The following ADAM9 variants were observed in gnomAD, a reference collection of about 807,000 sequenced individuals.
ADAM9 encodes disintegrin and metalloproteinase domain-containing protein 9.
A neutral mutation model predicts 108.1 loss-of-function variants in ADAM9; 54 were observed. The observed-to-expected ratio is 0.50, with a 90% confidence interval of 0.40 to 0.63. ADAM9 has a LOEUF of 0.63. Ranked by LOEUF, ADAM9 falls within the 20% of genes least tolerant of loss-of-function variation. The pLI is 0.00. For synonymous variants in ADAM9, 316 were observed against 336.0 expected (o/e 0.94, Z 0.65); for missense variants, 830 against 997.7 (o/e 0.83, Z 2.26).
Position 39,091,332 on chromosome 8 carries a change from C to G in ADAM9, c.2284C>G (p.Pro762Ala). ...SVPRHVSPVT[P>A]PREVPIYANR... ...TCCTCGACATGTTTCTCCAGTGACACCTCCCAGAGAAGTTGTAAGTATAAA... is the reference window on the plus strand; with the variant it reads ...TCCTCGACATGTTTCTCCAGTGACAGCTCCCAGAGAAGTTGTAAGTATAAA... Residue 762 changes from proline to alanine, a missense_variant, in exon 20 of 22, where the codon CCT becomes GCT. Pro to Ala is a conservative substitution (Grantham distance 27, BLOSUM62 -1). This residue lies in a region of ADAM9 where 238 missense variants were observed against 235.7 expected (regional missense o/e 1.01). Transcript: ENST00000487273. 1.2e-6 allele frequency: 2 copies of G among 1,613,806 alleles called. No homozygotes were observed. The highest frequency in any genetic ancestry group is 3.3e-5 in the Admixed American group (2 of 60,014).
chr8:39,017,104 T>C lies in ADAM9; in HGVS notation c.411-115T>C, dbSNP rs1836558065. 3 of 1,095,172 alleles carry C rather than the reference T, an allele frequency of 2.7e-6. No individual in the cohort carries two copies. The South Asian group carries it at 4.1e-5, about 15-fold the overall frequency. The allele number at this position is 1,095,172 out of a possible 1,614,324, so 67.8% of individuals were successfully genotyped here. A position where few individuals can be genotyped will look rare whatever the true frequency, so the allele number is the denominator to read the frequency against. The stretch of plus-strand genomic sequence containing the variant: ...ATTCTAAAGCCTCTATTTTCTTCTC[T>C]ATGTAATGCTATGCCTACTTACACA... On this transcript the variant is annotated intron_variant, in intron 5 of 21. Transcript: ENST00000487273.
At position 39,105,052 on chromosome 8, in the gene ADAM9, TAA is replaced by T. The variant is rs1265131386; in HGVS notation, c.*1356_*1357del. Reference sequence around the variant, plus strand: ...CTCAACTATTTATAATCTCATTAATTAAAAAGTTATAATTTTAGATAAAAATT... The same window carrying T: ...CTCAACTATTTATAATCTCATTAATTAAAGTTATAATTTTAGATAAAAATT... On this transcript the variant is annotated 3_prime_UTR_variant, in exon 22 of 22. Transcript: ENST00000487273. The T allele has an allele frequency of 4.9e-6, 2 of 406,236 alleles. No individual in the cohort carries two copies. The highest frequency in any genetic ancestry group is 2.1e-5 in the African/African-American group (1 of 47,326). The allele number at this position is 406,236 out of a possible 1,614,324, so 25.2% of individuals were successfully genotyped here.
intron 15 of ADAM9, among the ~76,000 whole-genome samples, chr8:39,073,586 TTGAA>T (rs752895381): frequency 2.0e-5 from 3 of 152,132 alleles, no homozygotes; most frequent in Non-Finnish European, 4.4e-5. Context: ...CTATTAAACA[TTGAA>T]TGAATGAAGG....
intron 11 of ADAM9, among the ~76,000 whole-genome samples, chr8:39,035,621 A>G (rs1172916984): frequency 6.6e-6 from 1 of 152,094 alleles, no homozygotes; most frequent in Non-Finnish European, 1.5e-5. Flanking sequence ...GATCGAGACC[A>G]TCCTGGCTAA....
chr8:39,007,453 A>G (rs1468351763), intron 1 of ADAM9, among the ~76,000 whole-genome samples: 1 of 152,220 alleles, frequency 6.6e-6, no homozygotes, highest in Admixed American at 6.5e-5. Context: ...GATGTTATTC[A>G]TGCTGGGTGA....
intron 8 of ADAM9, among the ~76,000 whole-genome samples, chr8:39,022,316 A>G (rs887721948): frequency 5.9e-5 from 9 of 152,074 alleles, no homozygotes; most frequent in African/African-American, 1.9e-4. Context: ...TTATTAACCC[A>G]TTTACTCCTT....
chr8:39,005,394 A>G lies in ADAM9; in HGVS notation c.98-2492A>G, dbSNP rs201542623. Among the ~76,000 whole-genome samples the G allele has an allele frequency of 3.3e-5, 5 of 152,238 alleles. No homozygotes were observed. In the East Asian group the frequency reaches 9.6e-4, roughly 29 times the overall value. On this transcript the variant is annotated intron_variant, in intron 1 of 21. Coordinates refer to ENST00000487273, the MANE Select transcript of ADAM9 (RefSeq NM_003816.3). The stretch of plus-strand genomic sequence containing the variant: ...CAGTAAGCTTATCCTGCATTCCTAC[A>G]CAAAGATTACAATAGCAATATATTT...
intron 1 of ADAM9, among the ~76,000 whole-genome samples, chr8:38,998,398 T>C (rs1835891715): frequency 1.3e-5 from 1 of 74,944 alleles, no homozygotes; most frequent in Admixed American, 1.4e-4. Flanking sequence ...AATCTGTGAT[T>C]TTTTTTTGTG....
chr8:39,006,268 T>A (rs1430523282), intron 1 of ADAM9, among the ~76,000 whole-genome samples: 1 of 152,180 alleles, frequency 6.6e-6, no homozygotes, highest in Non-Finnish European at 1.5e-5. Context: ...TATAAGGGAT[T>A]GATGGGTAAA....
intron 1 of ADAM9, among the ~76,000 whole-genome samples, chr8:39,004,091 A>AT (rs1361072588): frequency 9.2e-5 from 14 of 152,084 alleles, no homozygotes; most frequent in Admixed American, 2.0e-4. Context: ...CAGATGCTTT[A>AT]TTTTTGGAGG....
intron 5 of ADAM9, among the ~76,000 whole-genome samples, chr8:39,016,595 T>G (rs1836536472): frequency 6.6e-6 from 1 of 152,216 alleles, no homozygotes; most frequent in Non-Finnish European, 1.5e-5. Flanking sequence ...TCAGATAAAT[T>G]ATATTACAAT....
chr8:39,088,332 C>T (rs1275247257), intron 18 of ADAM9, among the ~76,000 whole-genome samples: 1 of 151,346 alleles, frequency 6.6e-6, no homozygotes, highest in East Asian at 1.9e-4. Flanking sequence ...GTGGTGCAAT[C>T]TCGGCTCCGC....
intron 20 of ADAM9, 45 bp downstream of exon 20, chr8:39,091,391 A>T: frequency 6.6e-7 from 1 of 1,515,264 alleles, no homozygotes. Context: ...GTATTAAAGG[A>T]TCAAATGCTT....
chr8:39,085,314 G>A (rs1341759122), intron 18 of ADAM9, among the ~76,000 whole-genome samples: 1 of 152,036 alleles, frequency 6.6e-6, no homozygotes, highest in African/African-American at 2.4e-5. Flanking sequence ...TTCTACTAAT[G>A]TTATAAATCC....
intron 4 of ADAM9, chr8:39,014,654 T>G (rs1299683902): frequency 1.4e-6 from 1 of 693,122 alleles, no homozygotes; most frequent in Non-Finnish European, 2.6e-6. Flanking sequence ...TTTTTGGCAG[T>G]TAGGTATTAT....
intron 18 of ADAM9, among the ~76,000 whole-genome samples, chr8:39,085,880 A>C (rs1839166363): frequency 1.3e-5 from 2 of 151,740 alleles, no homozygotes; most frequent in Non-Finnish European, 2.9e-5. Context: ...GTTTCTTCGA[A>C]TATTTTTTTC....
chr8:39,014,127 G>A (rs779598124), intron 4 of ADAM9, 84 bp downstream of exon 4: 11 of 1,088,298 alleles, frequency 1.0e-5, no homozygotes, highest in Non-Finnish European at 1.4e-5. Context: ...ACTCAGGACT[G>A]TTACATTGCA....
rs949162667 is a variant in ADAM9 at position 39,026,653 on chromosome 8, T to C, written c.997-24T>C. ...ATTTTCTTTGCGTTCAGAAACCTAA[T>C]TACTACCTTCCTGTTCTGAACAGTT... On this transcript the variant is annotated intron_variant, in intron 10 of 21. Coordinates refer to ENST00000487273, the MANE Select transcript of ADAM9 (RefSeq NM_003816.3). The C allele has an allele frequency of 1.9e-6, 3 of 1,613,988 alleles. No homozygotes were observed. The African/African-American group carries it at 4.0e-5, about 22-fold the overall frequency.
In ADAM9 at chr8:39,092,634, T is replaced by TA. The variant is rs550345945; in HGVS notation, c.2298+1298dup. The stretch of plus-strand genomic sequence containing the variant: ...TTTTTTGTAAATTTAACAGTAGTGG[T>TA]AAAAAAAAAACCCACTAATATTTAC... On this transcript the variant is annotated intron_variant, in intron 20 of 21. Transcript: ENST00000487273. Among the ~76,000 whole-genome samples the TA allele has an allele frequency of 2.4e-3, 352 of 148,432 alleles. 2 individuals carry two copies. The highest frequency in any genetic ancestry group is 7.2e-3 in the African/African-American group (294 of 40,582).
Sources: gnomAD v4.1 joint callset for allele counts (sites outside exome capture counted in the v4.1 genomes callset) on GRCh38, gnomAD v4.1.1 for gene constraint, gnomAD v4.1.1 regional missense constraint, MANE v1.5 for transcripts, NCBI Gene and HGNC (gene_info 2026-07-23, HGNC 2026-07-21) for gene names.